The following PRDM5 variants were observed in gnomAD, a reference collection of about 807,000 sequenced individuals.
The protein encoded by PRDM5 is PR domain zinc finger protein 5.
PRDM5 carries 56 observed loss-of-function variants against 81.2 expected under a neutral mutation model. That is an observed-to-expected ratio of 0.69 (90% CI 0.56 to 0.86). PRDM5 has a LOEUF of 0.86. Among genes scored for constraint, PRDM5 ranks in the 40% least tolerant of loss-of-function variants. PRDM5 has a pLI of 0.00. For synonymous variants in PRDM5, 267 were observed against 256.4 expected, an observed-to-expected ratio of 1.04 and a Z score of -0.39; for missense variants, 697 against 770.1, an observed-to-expected ratio of 0.91 and a Z score of 1.12.
chr4:120,731,836 A>C (rs753097988), intron 14 of PRDM5: 1 of 152,228 alleles, frequency 6.6e-6, no homozygotes, highest in Non-Finnish European at 1.5e-5. Context: ...TGGAAGTGTC[A>C]AACTATCCCT....
intron 14 of PRDM5, among the ~76,000 whole-genome samples, chr4:120,733,677 T>C (rs1740606472): frequency 6.6e-6 from 1 of 152,198 alleles, no homozygotes; most frequent in Admixed American, 6.5e-5. Flanking sequence ...TCCAGGTGGC[T>C]GAGACCAGGT....
At chr4:120,874,055 G>T (rs1013861648) in intron 2 of PRDM5, among the ~76,000 whole-genome samples, 1 of 152,006 alleles carries the variant, frequency 6.6e-6, no homozygotes, top group Admixed American at 6.5e-5. Context: ...GATTAAATCA[G>T]GGTAATTAAC....
At chr4:120,736,432 G>A (rs767204509) in intron 14 of PRDM5, among the ~76,000 whole-genome samples, 1 of 152,138 alleles carries the variant, frequency 6.6e-6, no homozygotes, top group Non-Finnish European at 1.5e-5. Flanking sequence ...TGATGATGCT[G>A]GTAGTGGCCA....
chr4:120,913,359 A>T (rs978436510), intron 1 of PRDM5, among the ~76,000 whole-genome samples: 2 of 152,266 alleles, frequency 1.3e-5, no homozygotes, highest in Non-Finnish European at 2.9e-5. Context: ...TAATGGCCAC[A>T]AACATCTTGT....
intron 3 of PRDM5, among the ~76,000 whole-genome samples, chr4:120,823,572 T>C (rs1211960129): frequency 6.6e-6 from 1 of 152,190 alleles, no homozygotes; most frequent in African/African-American, 2.4e-5. Flanking sequence ...TTAAGAAGTA[T>C]CCTCTTAAGT....
intron 14 of PRDM5, among the ~76,000 whole-genome samples, chr4:120,741,532 G>C (rs1741954634): frequency 6.6e-6 from 1 of 151,716 alleles, no homozygotes; most frequent in Non-Finnish European, 1.5e-5. Flanking sequence ...CATCTCACTA[G>C]GGAGTGCCAG....
intron 13 of PRDM5, among the ~76,000 whole-genome samples, chr4:120,772,311 A>T (rs1292757566): frequency 1.3e-5 from 2 of 152,214 alleles, no homozygotes; most frequent in Non-Finnish European, 1.5e-5. Flanking sequence ...TGCTATCTGC[A>T]GGCAAGTTTT....
intron 3 of PRDM5, among the ~76,000 whole-genome samples, chr4:120,848,337 C>T (rs752148094): frequency 5.3e-4 from 81 of 152,170 alleles, no homozygotes; most frequent in Non-Finnish European, 8.4e-4. Flanking sequence ...TCTGAATTTA[C>T]ATTTTTAAAA....
At chr4:120,822,172 G>C (rs1338519401) in intron 3 of PRDM5, among the ~76,000 whole-genome samples, 1 of 152,152 alleles carries the variant, frequency 6.6e-6, no homozygotes, top group Non-Finnish European at 1.5e-5. Flanking sequence ...CTGGGCCTTG[G>C]GCCAATCACC....
intron 2 of PRDM5, among the ~76,000 whole-genome samples, chr4:120,892,012 C>T (rs916910086): frequency 6.6e-6 from 1 of 152,116 alleles, no homozygotes; most frequent in African/African-American, 2.4e-5. Context: ...GTTGTATCTT[C>T]GTTCACATTA....
chr4:120,687,607 C>A (rs923106874), downstream of PRDM5, among the ~76,000 whole-genome samples: 1 of 152,076 alleles, frequency 6.6e-6, no homozygotes, highest in Non-Finnish European at 1.5e-5. Flanking sequence ...TCTTTGAAAT[C>A]CAGTTCTCAA....
Position 120,872,150 on chromosome 4 carries a change from C to CAAAAAAAAAAAAAAAAAAA in PRDM5, c.178-18629_178-18611dup, listed in dbSNP as rs70948365. 1.2e-3 allele frequency among the ~76,000 whole-genome samples: 50 copies of CAAAAAAAAAAAAAAAAAAA among 41,834 alleles called. 2 individuals are homozygous for CAAAAAAAAAAAAAAAAAAA. Among genetic ancestry groups the CAAAAAAAAAAAAAAAAAAA allele is most frequent in the Non-Finnish European group, 1.4e-3 (35 of 25,052 alleles). 27.4% of individuals were successfully genotyped at this position (41,834 alleles called of 152,430 possible). Reference sequence around the variant, plus strand: ...TGGGCGACAGAGCAAGACTCCATCTCAAAAAAAAAAAAAAAAAAAAAAAAC... The same window carrying CAAAAAAAAAAAAAAAAAAA: ...TGGGCGACAGAGCAAGACTCCATCTCAAAAAAAAAAAAAAAAAAAAAAAAAAAAAAAAAAAAAAAAAAAC... On this transcript the variant is annotated intron_variant, in intron 2 of 15. Coordinates refer to ENST00000264808, the MANE Select transcript of PRDM5 (RefSeq NM_018699.4).
At chr4:120,724,981 G>A (rs1739179883) in intron 14 of PRDM5, among the ~76,000 whole-genome samples, 1 of 152,112 alleles carries the variant, frequency 6.6e-6, no homozygotes, top group Non-Finnish European at 1.5e-5. Flanking sequence ...TAAAAATGCT[G>A]AAAAAACAGC....
intron 2 of PRDM5, among the ~76,000 whole-genome samples, chr4:120,893,390 ACCAG>A (rs1368024909): frequency 4.6e-5 from 7 of 152,112 alleles, no homozygotes; most frequent in South Asian, 2.1e-4. Flanking sequence ...GTCAGTATTC[ACCAG>A]CCCTTTTGTT....
At chr4:120,868,210 T>C (rs2148525756) in intron 2 of PRDM5, among the ~76,000 whole-genome samples, 1 of 152,318 alleles carries the variant, frequency 6.6e-6, no homozygotes, top group Non-Finnish European at 1.5e-5. Flanking sequence ...CAAAATTCCT[T>C]AATCAGAGGT....
At chr4:120,747,228 G>A (rs1424854839) in intron 14 of PRDM5, among the ~76,000 whole-genome samples, 1 of 145,288 alleles carries the variant, frequency 6.9e-6, no homozygotes, top group Admixed American at 7.1e-5. Flanking sequence ...GGTGGGAATT[G>A]AACAATGAGA....
At chr4:120,838,990 T>C (rs1757684221) in intron 3 of PRDM5, 2 of 541,698 alleles carry the variant, frequency 3.7e-6, no homozygotes, top group Non-Finnish European at 6.6e-6. Context: ...AGGTGCCAGC[T>C]CTCTGCCAGG....
At chr4:120,731,828 G>A (rs1740310365) in intron 14 of PRDM5, 1 of 152,162 alleles carries the variant, frequency 6.6e-6, no homozygotes, top group African/African-American at 2.4e-5. Flanking sequence ...TGACTTTGTG[G>A]AAGTGTCAAA....
At chr4:120,785,212 C>A in intron 10 of PRDM5, 121 bp from the exon 11 acceptor site, 1 of 737,990 alleles carries the variant, frequency 1.4e-6, no homozygotes. Context: ...GTATCTGTTT[C>A]TTCTAGTGCC....
Sources: allele counts gnomAD v4.1 joint callset (sites outside exome capture counted in the v4.1 genomes callset), GRCh38; gene constraint gnomAD v4.1.1; transcripts MANE v1.5; gene names NCBI Gene and HGNC (gene_info 2026-07-23, HGNC 2026-07-21).